ZDHHC14: variants seen among roughly 807,000 people sequenced by gnomAD.
ZDHHC14 encodes the protein zDHHC palmitoyltransferase 14.
In ZDHHC14, 16 loss-of-function variants were observed where a neutral mutation model predicts 47.7. That is an observed-to-expected ratio of 0.34 (90% CI 0.23 to 0.51). The LOEUF (loss-of-function observed/expected upper bound fraction) is 0.51. ZDHHC14 is among the 20% of genes least tolerant of loss of function. The pLI is 0.97. For missense variants in ZDHHC14, 515 were observed against 662.5 expected (o/e 0.78, Z 2.44); for synonymous variants, 293 against 278.9 (o/e 1.05, Z -0.50).
chr6:157,673,148 A>C lies in ZDHHC14; in HGVS notation c.*26A>C. The C allele has an allele frequency of 6.5e-7, 1 of 1,541,096 alleles. No homozygotes were observed. The highest frequency in any genetic ancestry group is 8.7e-7 in the Non-Finnish European group (1 of 1,154,984). On this transcript the variant is annotated 3_prime_UTR_variant, in exon 9 of 9. Transcript: ENST00000359775. This position sits in a 1 kb window ranked among gnomAD's most constrained non-coding sequence, Gnocchi z 5.4. ...CCCACATGGCCCCAGGCCGGGGGACACCAGAGGCTCCTCCATGGGCAGCAG... is the reference window on the plus strand; with the variant it reads ...CCCACATGGCCCCAGGCCGGGGGACCCCAGAGGCTCCTCCATGGGCAGCAG...
At chr6:157,601,119 G>A (rs1321854945) in intron 3 of ZDHHC14, among the ~76,000 whole-genome samples, 1 of 152,176 alleles carries the variant, frequency 6.6e-6, no homozygotes, top group Non-Finnish European at 1.5e-5. Context: ...GAGATAATGA[G>A]TTCATGTTGT....
chr6:157,545,537 G>C (rs1781937502), intron 2 of ZDHHC14, among the ~76,000 whole-genome samples: 3 of 152,062 alleles, frequency 2.0e-5, no homozygotes, highest in Non-Finnish European at 4.4e-5. Flanking sequence ...AATTAGCCGG[G>C]TGTGGTGGCA....
chr6:157,570,857 C>T (rs965931470), intron 2 of ZDHHC14, among the ~76,000 whole-genome samples: 1 of 151,766 alleles, frequency 6.6e-6, no homozygotes, highest in African/African-American at 2.4e-5. Flanking sequence ...CTATATTGCC[C>T]TTCTGAGTCT....
intron 1 of ZDHHC14, among the ~76,000 whole-genome samples, chr6:157,466,457 T>G (rs1310934777): frequency 6.6e-6 from 1 of 152,238 alleles, no homozygotes; most frequent in Non-Finnish European, 1.5e-5. Flanking sequence ...GACTCAGCAG[T>G]AAATGCAGAA....
At chr6:157,394,038 T>C (rs1342811487) in intron 1 of ZDHHC14, among the ~76,000 whole-genome samples, 4 of 152,160 alleles carry the variant, frequency 2.6e-5, no homozygotes, top group Non-Finnish European at 5.9e-5. Context: ...AGCAAGTCAT[T>C]GAAAGCTGAA....
At chr6:157,467,235 G>A (rs1391928598) in intron 1 of ZDHHC14, among the ~76,000 whole-genome samples, 3 of 152,118 alleles carry the variant, frequency 2.0e-5, no homozygotes, top group South Asian at 2.1e-4. Context: ...TATACTCAGA[G>A]TTGTACAACT....
intron 1 of ZDHHC14, among the ~76,000 whole-genome samples, chr6:157,401,867 C>T (rs1414609643): frequency 1.3e-5 from 2 of 150,430 alleles, no homozygotes; most frequent in African/African-American, 4.9e-5. Context: ...GATATGTGCA[C>T]CTGCTGAGGT....
chr6:157,452,410 T>C (rs1254406458), intron 1 of ZDHHC14, among the ~76,000 whole-genome samples: 1 of 152,238 alleles, frequency 6.6e-6, no homozygotes, highest in African/African-American at 2.4e-5. Flanking sequence ...CAAGCAGTGA[T>C]GTCTGTGAGA....
intron 2 of ZDHHC14, among the ~76,000 whole-genome samples, chr6:157,562,313 G>T (rs775910394): frequency 1.3e-5 from 2 of 152,194 alleles, no homozygotes; most frequent in African/African-American, 2.4e-5. Flanking sequence ...GGGTTTAGCC[G>T]TGAGAACAGC....
At chr6:157,548,081 A>G (rs1562474310) in intron 2 of ZDHHC14, among the ~76,000 whole-genome samples, 1 of 150,892 alleles carries the variant, frequency 6.6e-6, no homozygotes, top group Non-Finnish European at 1.5e-5. Context: ...AGTTGTCCAT[A>G]CTGTTGAATA....
At chr6:157,430,080 G>A (rs112022926) in intron 1 of ZDHHC14, among the ~76,000 whole-genome samples, 3,845 of 152,166 alleles carry the variant, frequency 0.025, 161 homozygotes, top group African/African-American at 0.088. Context: ...ACTTTGGGAG[G>A]CCGAGGCAGG....
At position 157,647,358 on chromosome 6, in the gene ZDHHC14, A is replaced by G. The variant is rs759570716; in HGVS notation, c.955A>G (p.Ile319Val). The G allele has an allele frequency of 1.9e-6, 3 of 1,612,662 alleles. No homozygotes were observed. Among genetic ancestry groups the G allele is most frequent in the Non-Finnish European group, 2.5e-6 (3 of 1,178,792 alleles). The change falls in exon 7 of 9, where the codon ATC (isoleucine) becomes GTC (valine). Residue 319 changes from isoleucine to valine, a missense_variant. Ile to Val is a conservative substitution (Grantham distance 29, BLOSUM62 3). Transcript: ENST00000359775. ...CTGCTGTGTTGCCCTGTGTGGGCCCATCTCACCAAGGTAAGACTCAGGACG... is the reference window on the plus strand; with the variant it reads ...CTGCTGTGTTGCCCTGTGTGGGCCCGTCTCACCAAGGTAAGACTCAGGACG... ...TNCCVALCGP[I>V]SPSLIDRRGY...
intron 5 of ZDHHC14, among the ~76,000 whole-genome samples, chr6:157,644,484 C>G (rs1307184296): frequency 1.3e-5 from 2 of 152,220 alleles, no homozygotes; most frequent in Admixed American, 6.5e-5. Context: ...CTAGAGCAGA[C>G]CCAGTGGTTT....
chr6:157,539,628 C>T (rs924310415), intron 1 of ZDHHC14, among the ~76,000 whole-genome samples: 6 of 152,122 alleles, frequency 3.9e-5, no homozygotes, highest in East Asian at 1.9e-4. Flanking sequence ...GCGTCCAAAG[C>T]ACTCACCAAT....
At chr6:157,393,694 G>T (rs1035266472) in intron 1 of ZDHHC14, among the ~76,000 whole-genome samples, 3 of 152,058 alleles carry the variant, frequency 2.0e-5, no homozygotes, top group Non-Finnish European at 4.4e-5. Flanking sequence ...ATCTCTGGTG[G>T]TATAAGATAC....
intron 2 of ZDHHC14, among the ~76,000 whole-genome samples, chr6:157,587,522 G>T (rs749328406): frequency 6.6e-6 from 1 of 152,178 alleles, no homozygotes; most frequent in Non-Finnish European, 1.5e-5. Context: ...AGGGTATCCT[G>T]CTTGGCAGGG....
At chr6:157,645,050 G>A (rs1777453058) in intron 5 of ZDHHC14, among the ~76,000 whole-genome samples, 1 of 152,132 alleles carries the variant, frequency 6.6e-6, no homozygotes, top group Non-Finnish European at 1.5e-5. Context: ...TCAAGCAGCT[G>A]AGGATGGCCT....
intron 1 of ZDHHC14, among the ~76,000 whole-genome samples, chr6:157,433,977 G>A (rs192912372): frequency 7.5e-4 from 114 of 152,230 alleles, no homozygotes; most frequent in African/African-American, 2.6e-3. Context: ...GTACCAGTAT[G>A]TGACTTAGCT....
intron 2 of ZDHHC14, chr6:157,592,785 G>T: frequency 7.2e-7 from 1 of 1,384,684 alleles, no homozygotes; most frequent in Non-Finnish European, 9.4e-7. Context: ...CAGTCACGTG[G>T]CCCCTGCACG....
Sources: gnomAD v4.1 joint callset for allele counts (sites outside exome capture counted in the v4.1 genomes callset) on GRCh38, gnomAD v4.1.1 for gene constraint, Gnocchi (gnomAD v3.1) non-coding constraint, MANE v1.5 for transcripts, NCBI Gene and HGNC (gene_info 2026-07-23, HGNC 2026-07-21) for gene names.